Variants in DPYD observed in about 807,000 individuals in gnomAD.
DPYD encodes the protein dihydropyrimidine dehydrogenase.
DPYD carries 109 observed loss-of-function variants against 116.2 expected under a neutral mutation model. The ratio of observed to expected loss-of-function variants is 0.94; its 90% CI spans 0.80 to 1.10. The LOEUF (loss-of-function observed/expected upper bound fraction) is 1.10. Ranked by LOEUF, DPYD falls within the 50% of genes least tolerant of loss-of-function variation. The pLI, the probability that DPYD is intolerant of heterozygous loss-of-function variation, is 0.00. For synonymous variants in DPYD, 440 were observed against 432.0 expected (o/e 1.02, Z -0.23); for missense variants, 1,302 against 1,254.5 (o/e 1.04, Z -0.57).
chr1:97,433,647 CAA>C (rs1157889632), intron 14 of DPYD, among the ~76,000 whole-genome samples: 2 of 152,154 alleles, frequency 1.3e-5, no homozygotes, highest in Admixed American at 6.6e-5. Context: ...GCCTGAATTT[CAA>C]AGTCATAAGC....
intron 7 of DPYD, among the ~76,000 whole-genome samples, chr1:97,686,374 C>T (rs1304849038): frequency 4.6e-5 from 7 of 151,832 alleles, no homozygotes; most frequent in Non-Finnish European, 7.4e-5. Context: ...CGGTGGCTCA[C>T]GCCTGTAATC....
intron 14 of DPYD, among the ~76,000 whole-genome samples, chr1:97,425,568 T>G (rs909434996): frequency 6.6e-6 from 1 of 152,092 alleles, no homozygotes; most frequent in East Asian, 1.9e-4. Flanking sequence ...GAGGGAAATT[T>G]AGAAAAGGTC....
At chr1:97,224,995 GTCTGTCTGTCTATCTATCTATCTA>G (rs1306319469) in intron 19 of DPYD, among the ~76,000 whole-genome samples, 7 of 132,886 alleles carry the variant, frequency 5.3e-5, no homozygotes, top group Admixed American at 1.5e-4. Context: ...CTAACTATCT[GTCTGTCTGTCTATCTATCTATCTA>G]TCTATCTATC....
intron 4 of DPYD, among the ~76,000 whole-genome samples, chr1:97,732,347 C>T (rs763874729): frequency 2.0e-4 from 31 of 151,866 alleles, no homozygotes; most frequent in Admixed American, 8.5e-4. Flanking sequence ...TGGTGGCACA[C>T]GCCTGTAGTC....
intron 10 of DPYD, chr1:97,586,444 A>C (rs1012871087): frequency 1.6e-5 from 2 of 127,354 alleles, no homozygotes; most frequent in African/African-American, 5.9e-5. Context: ...CTGTGGGCTT[A>C]TCTGTGAAAA....
rs552644109 is a variant in DPYD, at chr1:97,477,706, T to C, written c.1741-27483A>G. On this transcript the variant is annotated intron_variant, in intron 13 of 22. Coordinates refer to ENST00000370192, the MANE Select transcript of DPYD (RefSeq NM_000110.4). ...CGCAATCTCGGCTCACTGCAAGCTC[T>C]GCTTCCCGGGTTCACGCCATTCTCC... 3.7e-3 allele frequency among the ~76,000 whole-genome samples: 554 copies of C among 150,518 alleles called. 1 individual carries two copies. The highest frequency in any genetic ancestry group is 0.012 in the African/African-American group (487 of 40,962).
intron 20 of DPYD, among the ~76,000 whole-genome samples, chr1:97,177,719 A>G (rs1211698358): frequency 6.6e-6 from 1 of 152,148 alleles, no homozygotes; most frequent in Non-Finnish European, 1.5e-5. Flanking sequence ...TTGGTTCCAC[A>G]GTTGGAGGAG....
At position 97,176,519 on chromosome 1, in the gene DPYD, G is replaced by A. The variant is rs926073570; in HGVS notation, c.2622+16550C>T. 4.6e-5 allele frequency among the ~76,000 whole-genome samples: 7 copies of A among 152,284 alleles called. No homozygotes were observed. In the South Asian group the frequency reaches 8.3e-4, roughly 18 times the overall value. On this transcript the variant is annotated intron_variant, in intron 20 of 22. Transcript: ENST00000370192. Reference sequence around the variant, plus strand: ...AGAAAAGAGCTGTCGGGAGTGACACGGTTTTTTGCCCACTGCTGCTATTAC... The same window carrying A: ...AGAAAAGAGCTGTCGGGAGTGACACAGTTTTTTGCCCACTGCTGCTATTAC...
At chr1:97,560,380 C>T (rs543359423) in intron 11 of DPYD, among the ~76,000 whole-genome samples, 1 of 151,704 alleles carries the variant, frequency 6.6e-6, no homozygotes, top group African/African-American at 2.4e-5. Flanking sequence ...GTCAATGAAC[C>T]GTAAAAAGGT....
intron 16 of DPYD, among the ~76,000 whole-genome samples, chr1:97,352,098 G>T (rs961426876): frequency 6.6e-6 from 1 of 152,248 alleles, no homozygotes; most frequent in East Asian, 1.9e-4. Context: ...ATGATGCAGT[G>T]AGATTTTCAA....
chr1:97,134,005 AAAAAAAAAAATATATATATATATATATAT>A (rs1168439578), intron 20 of DPYD, among the ~76,000 whole-genome samples: 3 of 34,004 alleles, frequency 8.8e-5, no homozygotes, highest in East Asian at 1.4e-3. Flanking sequence ...TTTCAAAAAA[AAAAAAAAAAATATATATATATATATATAT>A]ATATATATAT....
At chr1:97,345,844 C>A (rs1669814415) in intron 16 of DPYD, among the ~76,000 whole-genome samples, 2 of 151,770 alleles carry the variant, frequency 1.3e-5, no homozygotes, top group African/African-American at 4.8e-5. Context: ...ATGAAACCTG[C>A]CTAATAGAAG....
At chr1:97,588,406 T>G (rs549988681) in intron 10 of DPYD, among the ~76,000 whole-genome samples, 4 of 152,300 alleles carry the variant, frequency 2.6e-5, no homozygotes, top group African/African-American at 7.2e-5. Context: ...CTCTTCTCGG[T>G]AATAATTAAT....
chr1:97,768,846 A>G (rs895664437), intron 3 of DPYD, among the ~76,000 whole-genome samples: 1 of 151,812 alleles, frequency 6.6e-6, no homozygotes, highest in Admixed American at 6.5e-5. Flanking sequence ...AACAAATTTT[A>G]CAAAACACAA....
intron 7 of DPYD, among the ~76,000 whole-genome samples, chr1:97,689,655 T>C (rs1660909710): frequency 6.6e-6 from 1 of 151,972 alleles, no homozygotes; most frequent in South Asian, 2.1e-4. Context: ...CTTTAAAATA[T>C]ATATTAGTTG....
Position 97,515,796 on chromosome 1 carries a change from G to T in DPYD, c.1670C>A (p.Thr557Lys), listed in dbSNP as rs754125729. The change falls in exon 13 of 23, where the codon ACA becomes AAA. Residue 557 changes from threonine to lysine, a missense_variant. Physicochemically the swap from Thr to Lys is moderately conservative, Grantham distance 78 (BLOSUM62 -1). Coordinates refer to ENST00000370192, the MANE Select transcript of DPYD (RefSeq NM_000110.4). ...GLASATPATS[T>K]SMIRRAFEAG... is the part of the protein sequence containing the mutation. ...TTCAAAAGCTCTTCGAATCATTGAT[G>T]TGCTGGTGGCTGGAGTTGCGCTAGC... 1.9e-6 allele frequency: 3 copies of T among 1,612,984 alleles called. No individual in the cohort carries two copies. The highest frequency in any genetic ancestry group is 3.3e-4 in the Middle Eastern group (2 of 6,054).
chr1:97,225,557 G>GTT (rs1335070158), intron 19 of DPYD, among the ~76,000 whole-genome samples: 137 of 126,762 alleles, frequency 1.1e-3, no homozygotes, highest in African/African-American at 4.0e-3. Context: ...TTGAAATCAG[G>GTT]TTGTTTTTTT....
At chr1:97,390,439 C>T (rs1672630679) in intron 14 of DPYD, among the ~76,000 whole-genome samples, 1 of 151,970 alleles carries the variant, frequency 6.6e-6, no homozygotes, top group Non-Finnish European at 1.5e-5. Context: ...ATTAACCATA[C>T]AACATTCAAA....
intron 3 of DPYD, among the ~76,000 whole-genome samples, chr1:97,814,936 A>AGAAAGAAAGAAAG (rs1668512996): frequency 1.4e-5 from 1 of 73,710 alleles, no homozygotes; most frequent in African/African-American, 3.7e-5. Context: ...GAGAGAGGAA[A>AGAAAGAAAGAAAG]GAAAGAAAGA....
Sources: gnomAD v4.1 joint callset for allele counts (sites outside exome capture counted in the v4.1 genomes callset) on GRCh38, gnomAD v4.1.1 for gene constraint, MANE v1.5 for transcripts, NCBI Gene and HGNC (gene_info 2026-07-23, HGNC 2026-07-21) for gene names.